The following GPC6 variants were observed in gnomAD, a reference collection of about 807,000 sequenced individuals.
The protein encoded by GPC6 is glypican 6.
A neutral mutation model predicts 55.2 loss-of-function variants in GPC6; 14 were observed. The observed-to-expected ratio is 0.25, with a 90% CI of 0.17 to 0.40. The LOEUF is 0.40. Among genes scored for constraint, GPC6 ranks in the 10% least tolerant of loss-of-function variants. The probability of loss-of-function intolerance (pLI) is 1.00; values close to 1 mark genes in which losing one functional copy is unlikely to be tolerated. For synonymous variants in GPC6, 278 were observed against 259.6 expected (o/e 1.07, Z -0.68); for missense variants, 641 against 708.5 (o/e 0.90, Z 1.08).
intron 2 of GPC6, among the ~76,000 whole-genome samples, chr13:93,625,997 A>G (rs899032999): frequency 6.6e-6 from 1 of 151,292 alleles, no homozygotes; most frequent in Non-Finnish European, 1.5e-5. Flanking sequence ...CTTGTTTAGA[A>G]AGCATGATTT....
chr13:93,753,713 C>T (rs930472004), intron 2 of GPC6, among the ~76,000 whole-genome samples: 2 of 152,084 alleles, frequency 1.3e-5, no homozygotes, highest in Admixed American at 6.6e-5. Context: ...TTAACCTTCC[C>T]CCAACCCCTC....
chr13:93,973,529 C>G (rs79450378), intron 3 of GPC6, among the ~76,000 whole-genome samples: 7,418 of 149,066 alleles, frequency 0.05, 258 homozygotes, highest in Middle Eastern at 0.12. Flanking sequence ...TCTTATCTAA[C>G]TATGATTTCT....
intron 2 of GPC6, among the ~76,000 whole-genome samples, chr13:93,770,687 G>A (rs1885262274): frequency 1.3e-5 from 2 of 152,100 alleles, no homozygotes; most frequent in Non-Finnish European, 2.9e-5. Flanking sequence ...CCTCAGTAGT[G>A]TCTATTCCCA....
chr13:93,496,223 G>A (rs377269640), intron 1 of GPC6, among the ~76,000 whole-genome samples: 4 of 152,162 alleles, frequency 2.6e-5, no homozygotes, highest in South Asian at 4.1e-4. Context: ...ATATAGTCTC[G>A]TGGTGCGCCG....
intron 1 of GPC6, among the ~76,000 whole-genome samples, chr13:93,278,248 T>A (rs1002064802): frequency 8.5e-5 from 13 of 152,156 alleles, no homozygotes; most frequent in South Asian, 4.1e-4. Flanking sequence ...AGATTTTTTT[T>A]TAAAAAGTTT....
intron 4 of GPC6, among the ~76,000 whole-genome samples, chr13:94,179,727 A>G (rs114727962): frequency 1.9e-3 from 285 of 152,306 alleles, no homozygotes; most frequent in African/African-American, 6.5e-3. Flanking sequence ...CAACAGGAGG[A>G]AAATTTTGCT....
chr13:93,576,258 T>C (rs886928857), intron 2 of GPC6, among the ~76,000 whole-genome samples: 1 of 152,130 alleles, frequency 6.6e-6, no homozygotes, highest in African/African-American at 2.4e-5. Flanking sequence ...TTGTGAGATC[T>C]GAAGATTATA....
intron 1 of GPC6, among the ~76,000 whole-genome samples, chr13:93,231,315 AT>A (rs1875996251): frequency 1.8e-5 from 1 of 56,772 alleles, no homozygotes; most frequent in African/African-American, 9.1e-5. Context: ...TCCTCATTTC[AT>A]ATATATATAT....
At position 94,286,293 on chromosome 13, in the gene GPC6, G is replaced by A. The variant is rs1475901972; in HGVS notation, c.878-56G>A. On this transcript the variant is annotated intron_variant, in intron 4 of 8. Transcript: ENST00000377047. ...TTGTTTTAACAATGTTTAAACACAG[G>A]TTGGGAACCTGGAGCTCCCAGTTTG... 7.5e-6 allele frequency: 12 copies of A among 1,593,708 alleles called. No homozygotes were observed. The South Asian group carries it at 8.8e-5, about 12-fold the overall frequency.
chr13:93,303,978 C>T (rs1337335207), intron 1 of GPC6, among the ~76,000 whole-genome samples: 1 of 150,482 alleles, frequency 6.6e-6, no homozygotes, highest in Non-Finnish European at 1.5e-5. Context: ...AAACAATTCT[C>T]CTGCCTCAGC....
At chr13:93,472,704 C>A (rs1879166060) in intron 1 of GPC6, among the ~76,000 whole-genome samples, 1 of 152,234 alleles carries the variant, frequency 6.6e-6, no homozygotes, top group African/African-American at 2.4e-5. Context: ...TCCTCTCCTT[C>A]TCTTTGCAAT....
chr13:93,979,728 T>C (rs952917139), intron 3 of GPC6, among the ~76,000 whole-genome samples: 1 of 152,080 alleles, frequency 6.6e-6, no homozygotes, highest in African/African-American at 2.4e-5. Context: ...CAAATATTGG[T>C]CCTTGGAAAA....
At chr13:93,957,705 G>GA (rs374136299) in intron 3 of GPC6, among the ~76,000 whole-genome samples, 58 of 152,184 alleles carry the variant, frequency 3.8e-4, no homozygotes, top group African/African-American at 1.4e-3. Flanking sequence ...TATGTTTTTG[G>GA]AATTATGATC....
chr13:93,925,048 T>C (rs1289155830), intron 3 of GPC6, among the ~76,000 whole-genome samples: 1 of 152,220 alleles, frequency 6.6e-6, no homozygotes, highest in Non-Finnish European at 1.5e-5. Flanking sequence ...AAGGTTATCA[T>C]TTATTACACA....
chr13:93,812,947 T>C (rs1236639234), intron 2 of GPC6, among the ~76,000 whole-genome samples: 1 of 152,152 alleles, frequency 6.6e-6, no homozygotes, highest in Non-Finnish European at 1.5e-5. Flanking sequence ...GGATTGTCAC[T>C]AATTGTCAAT....
intron 2 of GPC6, among the ~76,000 whole-genome samples, chr13:93,612,677 G>A (rs1332962556): frequency 6.6e-6 from 1 of 152,090 alleles, no homozygotes; most frequent in Non-Finnish European, 1.5e-5. Flanking sequence ...ATTAGGAAGT[G>A]CAAAACTGCA....
chr13:93,376,080 G>T (rs1874883704), intron 1 of GPC6, among the ~76,000 whole-genome samples: 1 of 146,074 alleles, frequency 6.8e-6, no homozygotes, highest in Non-Finnish European at 1.5e-5. Flanking sequence ...GAGGGAGAGA[G>T]CTTCCTGAAA....
chr13:93,895,864 T>G (rs766561229), intron 3 of GPC6, among the ~76,000 whole-genome samples: 4 of 152,126 alleles, frequency 2.6e-5, no homozygotes, highest in Non-Finnish European at 5.9e-5. Flanking sequence ...AGTAGAATGA[T>G]GGTTACCAGA....
At chr13:93,835,463 G>A (rs1337987489) in intron 3 of GPC6, among the ~76,000 whole-genome samples, 4 of 152,062 alleles carry the variant, frequency 2.6e-5, no homozygotes, top group East Asian at 2.0e-4. Flanking sequence ...TCAAAAAAAC[G>A]TGACTTCTGG....
Sources: gnomAD v4.1 joint callset for allele counts (sites outside exome capture counted in the v4.1 genomes callset) on GRCh38, gnomAD v4.1.1 for gene constraint, MANE v1.5 for transcripts, NCBI Gene and HGNC (gene_info 2026-07-23, HGNC 2026-07-21) for gene names.